SLC5A3: variants seen among roughly 807,000 people sequenced by gnomAD.
SLC5A3 encodes solute carrier family 5 member 3.
A neutral mutation model predicts 43.2 loss-of-function variants in SLC5A3; 10 were observed. The observed-to-expected ratio is 0.23, with a 90% CI of 0.14 to 0.39. The LOEUF (loss-of-function observed/expected upper bound fraction) is 0.39, where lower values mean the gene tolerates loss of function less well. Among genes scored for constraint, SLC5A3 ranks in the 10% least tolerant of loss-of-function variants. The pLI is 1.00. For missense variants in SLC5A3, 608 were observed against 893.4 expected (o/e 0.68, Z 4.07); for synonymous variants, 349 against 322.0 (o/e 1.08, Z -0.90).
At chr21:34,085,804 G>A (rs375422179) in intron 1 of SLC5A3, among the ~76,000 whole-genome samples, 3 of 152,012 alleles carry the variant, frequency 2.0e-5, no homozygotes, top group Admixed American at 6.6e-5. Context: ...GGGTTTCACC[G>A]TGTTAGCTAG....
At chr21:34,079,304 A>G (rs1165634831) in intron 1 of SLC5A3, among the ~76,000 whole-genome samples, 1 of 152,150 alleles carries the variant, frequency 6.6e-6, no homozygotes, top group East Asian at 1.9e-4. Flanking sequence ...TATATTTATT[A>G]TCTAGTCCTT....
At chr21:34,090,201 A>G (rs1978615047) in intron 1 of SLC5A3, among the ~76,000 whole-genome samples, 1 of 152,230 alleles carries the variant, frequency 6.6e-6, no homozygotes. Context: ...CAGTTATATT[A>G]GGAAAACCTG....
chr21:34,097,095 A>G lies in SLC5A3; in HGVS notation c.1897A>G (p.Asn633Asp). Residue 633 changes from asparagine to aspartate, a missense_variant, in exon 2 of 2, where the codon AAT becomes GAT. By Grantham distance (23) the Asn-to-Asp change is conservative. Around this residue, in one of 2 missense-constraint regions of SLC5A3, gnomAD observed 210 missense variants for 224.8 expected, o/e 0.93. Coordinates refer to ENST00000381151, the MANE Select transcript of SLC5A3 (RefSeq NM_006933.7). ...EAETPVDAYS[N>D]GQAALMGEKE... ...AGAAACACCAGTTGACGCTTACTCC[A>G]ATGGGCAAGCAGCTCTCATGGGTGA... is the stretch of plus-strand genomic sequence containing the variant. The G allele has an allele frequency of 1.2e-6, 2 of 1,614,104 alleles. No homozygotes were observed. Among genetic ancestry groups the G allele is most frequent in the Non-Finnish European group, 1.7e-6 (2 of 1,179,962 alleles).
chr21:34,073,780 G>T, intron 1 of SLC5A3, 35 bp downstream of exon 1: 1 of 1,447,852 alleles, frequency 6.9e-7, no homozygotes, highest in Non-Finnish European at 9.2e-7. Flanking sequence ...GTCTTCCCGC[G>T]CGGGCGCCCC....
intron 1 of SLC5A3, 113 bp downstream of exon 1, chr21:34,073,858 G>A: frequency 1.8e-6 from 1 of 553,756 alleles, no homozygotes; most frequent in Non-Finnish European, 2.4e-6. Context: ...TGCACTCCTC[G>A]GAGGAGGCCG....
chr21:34,101,302 G>A lies in SLC5A3; in HGVS notation c.*3947G>A, dbSNP rs1248778957. 3.0e-6 allele frequency: 3 copies of A among 1,000,160 alleles called. No homozygotes were observed. The highest frequency in any genetic ancestry group is 3.6e-6 in the Non-Finnish European group (3 of 829,960). 62.0% of individuals were successfully genotyped at this position (1,000,160 alleles called of 1,614,324 possible). ...TAAACTCCTCCCCATATAAATCAGG[G>A]CACCAATAAATAAGTTTCAGCTTTT... is the stretch of plus-strand genomic sequence containing the variant. On this transcript the variant is annotated 3_prime_UTR_variant, in exon 2 of 2. Transcript: ENST00000381151.
At chr21:34,074,703 CA>C (rs1989283143) in intron 1 of SLC5A3, among the ~76,000 whole-genome samples, 2 of 152,242 alleles carry the variant, frequency 1.3e-5, no homozygotes, top group Admixed American at 1.3e-4. Context: ...TGTAATAAAA[CA>C]AAAATCATTG....
rs1419060895 is a variant in SLC5A3 at position 34,095,963 on chromosome 21, A to G, written c.765A>G (p.Thr255=). 6.2e-7 allele frequency: 1 copy of G among 1,614,172 alleles called. No homozygotes were observed. The highest frequency in any genetic ancestry group is 1.3e-5 in the African/African-American group (1 of 75,062). The part of the protein sequence containing the change: ...KEALKMLRNP[T]DEDVPWPGFI... ...CCCTGAAAATGCTGCGGAATCCAAC[A>G]GATGAAGATGTTCCTTGGCCTGGAT... The change falls in exon 2 of 2, where the codon ACA becomes ACG. Residue 255 remains threonine, a synonymous_variant. Coordinates refer to ENST00000381151, the MANE Select transcript of SLC5A3 (RefSeq NM_006933.7).
rs765282059 is a variant in SLC5A3, at chr21:34,096,879, A to G, written c.1681A>G (p.Lys561Glu). ...GGTGGTGAAGGAGAACTGCTCCCCA[A>G]AAGAGGAACCATACAAAATGCAAGA... The part of the protein sequence containing the change: ...NLVVKENCSP[K>E]EEPYKMQEKS... The change falls in exon 2 of 2, where the codon AAA becomes GAA. Residue 561 changes from lysine to glutamate, a missense_variant. By Grantham distance (56) the Lys-to-Glu change is moderately conservative (BLOSUM62 1). Transcript: ENST00000381151. The surrounding 1 kb of genome is among the most constrained non-coding windows in gnomAD (Gnocchi z 5.9). 1.2e-6 allele frequency: 2 copies of G among 1,613,998 alleles called. No individual in the cohort carries two copies. Among genetic ancestry groups the G allele is most frequent in the African/African-American group, 2.7e-5 (2 of 74,922 alleles).
chr21:34,099,710 A>G lies in SLC5A3; in HGVS notation c.*2355A>G, dbSNP rs1979147879. Reference sequence around the variant, plus strand: ...CTTAGTAAGATACATAAGGTACATCATCTTGTGTCTGTGTGTATATAGCAG... The same window carrying G: ...CTTAGTAAGATACATAAGGTACATCGTCTTGTGTCTGTGTGTATATAGCAG... On this transcript the variant is annotated 3_prime_UTR_variant, in exon 2 of 2. Coordinates refer to ENST00000381151, the MANE Select transcript of SLC5A3 (RefSeq NM_006933.7). The G allele has an allele frequency of 1.0e-6, 1 of 998,358 alleles. No homozygotes were observed. The highest frequency in any genetic ancestry group is 1.2e-6 in the Non-Finnish European group (1 of 829,576). 61.8% of individuals were successfully genotyped at this position (998,358 alleles called of 1,614,324 possible).
In SLC5A3 at chr21:34,097,931, C is replaced by T. The variant is rs141756999; in HGVS notation, c.*576C>T. 1.0e-5 allele frequency: 10 copies of T among 996,470 alleles called. No homozygotes were observed. Among genetic ancestry groups the T allele is most frequent in the Middle Eastern group, 5.2e-4 (1 of 1,910 alleles). 61.7% of individuals were successfully genotyped at this position (996,470 alleles called of 1,614,324 possible). ...TGATTTCCCAAAGAAAGAATGTTTTCCTGTAGGTATTTTTGTACCACCAGT... is the reference window on the plus strand; with the variant it reads ...TGATTTCCCAAAGAAAGAATGTTTTTCTGTAGGTATTTTTGTACCACCAGT... On this transcript the variant is annotated 3_prime_UTR_variant, in exon 2 of 2. Transcript: ENST00000381151.
At chr21:34,090,121 A>G (rs188737034) in intron 1 of SLC5A3, among the ~76,000 whole-genome samples, 1 of 152,310 alleles carries the variant, frequency 6.6e-6, no homozygotes, top group East Asian at 1.9e-4. Flanking sequence ...GTATTTTTGC[A>G]TTAGGGATAC....
At chr21:34,082,512 G>T (rs1989482077) in intron 1 of SLC5A3, among the ~76,000 whole-genome samples, 1 of 152,032 alleles carries the variant, frequency 6.6e-6, no homozygotes. Context: ...GGCATGCAAA[G>T]ATTGCTTTGC....
Position 34,098,094 on chromosome 21 carries a change from T to C in SLC5A3, c.*739T>C. On this transcript the variant is annotated 3_prime_UTR_variant, in exon 2 of 2. Coordinates refer to ENST00000381151, the MANE Select transcript of SLC5A3 (RefSeq NM_006933.7). Reference sequence around the variant, plus strand: ...TGTCATGATTGTGTTGTTAAATGATTATGGGGGAGAAAATGAAGTAAATGT... The same window carrying C: ...TGTCATGATTGTGTTGTTAAATGATCATGGGGGAGAAAATGAAGTAAATGT... The C allele has an allele frequency of 2.0e-6, 2 of 999,352 alleles. No homozygotes were observed. Among genetic ancestry groups the C allele is most frequent in the Non-Finnish European group, 2.4e-6 (2 of 829,298 alleles). The allele number at this position is 999,352 out of a possible 1,614,324, so 61.9% of individuals were successfully genotyped here. A position where few individuals can be genotyped will look rare whatever the true frequency, so the allele number is the denominator to read the frequency against.
In SLC5A3 at chr21:34,100,150, A is replaced by C; in HGVS notation, c.*2795A>C. On this transcript the variant is annotated 3_prime_UTR_variant, in exon 2 of 2. Transcript: ENST00000381151. ...ATTGACTAGAATAGCTAAAAGTCAAAATGAGGTGAGGACACTGGTCTTGGA... is the reference window on the plus strand; with the variant it reads ...ATTGACTAGAATAGCTAAAAGTCAACATGAGGTGAGGACACTGGTCTTGGA... The C allele has an allele frequency of 1.0e-6, 1 of 999,814 alleles. No homozygotes were observed. The highest frequency in any genetic ancestry group is 1.2e-6 in the Non-Finnish European group (1 of 829,548). The allele number at this position is 999,814 out of a possible 1,614,324, so 61.9% of individuals were successfully genotyped here. A position where few individuals can be genotyped will look rare whatever the true frequency, so the allele number is the denominator to read the frequency against.
rs1335354357 is a variant in SLC5A3 at position 34,100,671 on chromosome 21, G to A, written c.*3316G>A. ...CTTCACATTTTAAGAACTGAGTTGA[G>A]GGGGTTGTTATGCACTTCTGTAACT... On this transcript the variant is annotated 3_prime_UTR_variant, in exon 2 of 2. Coordinates refer to ENST00000381151, the MANE Select transcript of SLC5A3 (RefSeq NM_006933.7). 4 of 1,000,110 alleles carry A rather than the reference G, an allele frequency of 4.0e-6. No individual in the cohort carries two copies. The highest frequency in any genetic ancestry group is 4.8e-6 in the Non-Finnish European group (4 of 830,000). The allele number at this position is 1,000,110 out of a possible 1,614,324, so 62.0% of individuals were successfully genotyped here.
chr21:34,076,147 T>G (rs938651813), intron 1 of SLC5A3, among the ~76,000 whole-genome samples: 1 of 152,214 alleles, frequency 6.6e-6, no homozygotes, highest in African/African-American at 2.4e-5. Context: ...ACAGCGGATA[T>G]GGAAGTTAAG....
At position 34,103,444 on chromosome 21, in the gene SLC5A3, A is replaced by G. The variant is rs1490723634; in HGVS notation, c.*6089A>G. The G allele has an allele frequency of 1.0e-6, 1 of 998,376 alleles. No individual in the cohort carries two copies. The highest frequency in any genetic ancestry group is 1.7e-5 in the African/African-American group (1 of 57,168). 61.8% of individuals were successfully genotyped at this position (998,376 alleles called of 1,614,324 possible). A position where few individuals can be genotyped will look rare whatever the true frequency, so the allele number is the denominator to read the frequency against. ...GTTGTTTCTTTTATATCCATTAAAA[A>G]CTTAAAGTTACTTATGTTCTGTGAT... On this transcript the variant is annotated 3_prime_UTR_variant, in exon 2 of 2. Coordinates refer to ENST00000381151, the MANE Select transcript of SLC5A3 (RefSeq NM_006933.7).
chr21:34,076,627 T>TA (rs960267733), intron 1 of SLC5A3, among the ~76,000 whole-genome samples: 2 of 152,228 alleles, frequency 1.3e-5, no homozygotes, highest in Non-Finnish European at 2.9e-5. Context: ...GCTTGATTTT[T>TA]AAAAAAGTGT....
Sources: gnomAD v4.1 joint callset for allele counts (sites outside exome capture counted in the v4.1 genomes callset) on GRCh38, gnomAD v4.1.1 for gene constraint, gnomAD v4.1.1 regional missense constraint, Gnocchi (gnomAD v3.1) non-coding constraint, MANE v1.5 for transcripts, NCBI Gene and HGNC (gene_info 2026-07-23, HGNC 2026-07-21) for gene names.